The following GPHN variants were observed in gnomAD, a reference collection of about 807,000 sequenced individuals.
GPHN encodes the protein gephyrin.
Under a neutral mutation model 95.5 loss-of-function variants are expected in GPHN, and 17 were observed. The observed-to-expected ratio is 0.18, with a 90% CI of 0.12 to 0.27. The LOEUF (loss-of-function observed/expected upper bound fraction) is 0.27, where lower values mean the gene tolerates loss of function less well. Ranked by LOEUF, GPHN falls within the 10% of genes least tolerant of loss-of-function variation. The pLI is 1.00. For synonymous variants in GPHN, 320 were observed against 322.5 expected, an observed-to-expected ratio of 0.99 and a Z score of 0.08; for missense variants, 660 against 978.1, an observed-to-expected ratio of 0.67 and a Z score of 4.34.
chr14:67,708,683 C>G, the GPHN span, among the ~76,000 whole-genome samples: 3 of 152,052 alleles, frequency 2.0e-5, no homozygotes, highest in African/African-American at 7.3e-5. Context: ...ACAAATACAG[C>G]CCAAAGAAAA....
At chr14:67,725,589 G>A in the GPHN span, among the ~76,000 whole-genome samples, 1 of 152,190 alleles carries the variant, frequency 6.6e-6, no homozygotes, top group Admixed American at 6.5e-5. Context: ...AGATGAAGTT[G>A]TGCTGCTGGC....
At chr14:66,928,686 T>G (rs1567113803) in intron 8 of GPHN, among the ~76,000 whole-genome samples, 1 of 152,218 alleles carries the variant, frequency 6.6e-6, no homozygotes, top group African/African-American at 2.4e-5. Context: ...AGTACTGTTT[T>G]GCCTATCCCA....
At chr14:67,661,475 A>T in the GPHN span, among the ~76,000 whole-genome samples, 1 of 151,320 alleles carries the variant, frequency 6.6e-6, no homozygotes, top group Non-Finnish European at 1.5e-5. Flanking sequence ...ACATGGTTAG[A>T]ATTACCTCTA....
the GPHN span, among the ~76,000 whole-genome samples, chr14:67,372,877 T>G: frequency 1.3e-5 from 2 of 151,838 alleles, no homozygotes; most frequent in East Asian, 1.9e-4. Context: ...AAACCATCAA[T>G]TTTTAAAGGA....
At chr14:67,572,408 G>C in the GPHN span, 1 of 610,174 alleles carries the variant, frequency 1.6e-6, no homozygotes, top group Non-Finnish European at 2.7e-6. Context: ...GGGGGCAGGG[G>C]GCGTGGGCTG....
At chr14:66,571,384 CAG>C (rs759817840) in intron 1 of GPHN, among the ~76,000 whole-genome samples, 1 of 152,140 alleles carries the variant, frequency 6.6e-6, no homozygotes, top group Non-Finnish European at 1.5e-5. Flanking sequence ...GGTGGGGACA[CAG>C]AGCCAAACCA....
At position 66,526,756 on chromosome 14, in the gene GPHN, C is replaced by T. The variant is rs114333599; in HGVS notation, c.64+18165C>T. On this transcript the variant is annotated intron_variant, in intron 1 of 22. Coordinates refer to ENST00000478722, the MANE Select transcript of GPHN (RefSeq NM_020806.5). ...AATCATGTGGTTTTTGTCATTGCTT[C>T]GGTTTTGTGGTAGATTACATTTATT... Among the ~76,000 whole-genome samples, 278 of 152,152 alleles carry T rather than the reference C, an allele frequency of 1.8e-3. 1 individual carries two copies. Among genetic ancestry groups the T allele is most frequent in the African/African-American group, 6.3e-3 (260 of 41,508 alleles).
At chr14:67,071,760 T>A (rs1266069725) in intron 11 of GPHN, among the ~76,000 whole-genome samples, 1 of 151,996 alleles carries the variant, frequency 6.6e-6, no homozygotes, top group Non-Finnish European at 1.5e-5. Flanking sequence ...CCATTATATA[T>A]GTTCCTATAC....
At chr14:67,606,553 A>C in the GPHN span, among the ~76,000 whole-genome samples, 3 of 152,246 alleles carry the variant, frequency 2.0e-5, no homozygotes, top group Non-Finnish European at 4.4e-5. Flanking sequence ...ACAGCTGTGT[A>C]GGCTTGGAAA....
chr14:67,712,051 T>G, the GPHN span, among the ~76,000 whole-genome samples: 2 of 152,040 alleles, frequency 1.3e-5, no homozygotes, highest in East Asian at 3.9e-4. Context: ...CCCTGAGTAG[T>G]TGGGATTACA....
chr14:66,659,073 T>C (rs535777163), intron 1 of GPHN, among the ~76,000 whole-genome samples: 2 of 152,198 alleles, frequency 1.3e-5, no homozygotes, highest in East Asian at 1.9e-4. Flanking sequence ...AATGCACTTA[T>C]TGCTATATTG....
chr14:67,210,013 C>G, the GPHN span, among the ~76,000 whole-genome samples: 1 of 152,042 alleles, frequency 6.6e-6, no homozygotes, highest in African/African-American at 2.4e-5. Context: ...AAGCAATTAC[C>G]AGTTAGCTTT....
chr14:67,526,407 G>T, the GPHN span, among the ~76,000 whole-genome samples: 1 of 152,254 alleles, frequency 6.6e-6, no homozygotes, highest in Admixed American at 6.5e-5. Flanking sequence ...GACGGTCTTT[G>T]CATGCTGCTT....
At chr14:67,505,320 G>A in the GPHN span, among the ~76,000 whole-genome samples, 15 of 152,256 alleles carry the variant, frequency 9.9e-5, no homozygotes, top group South Asian at 3.1e-3. Context: ...TCAAGCTGGT[G>A]AGAGGGGAAT....
chr14:67,314,106 CAGA>C, the GPHN span, among the ~76,000 whole-genome samples: 1 of 151,756 alleles, frequency 6.6e-6, no homozygotes, highest in East Asian at 1.9e-4. Flanking sequence ...CTACTCACAC[CAGA>C]AGATTTTAAG....
chr14:67,010,157 C>T (rs2072891399), intron 9 of GPHN, among the ~76,000 whole-genome samples: 1 of 152,110 alleles, frequency 6.6e-6, no homozygotes, highest in South Asian at 2.1e-4. Context: ...CAGCTCCTCC[C>T]ATGTTAACTG....
the GPHN span, among the ~76,000 whole-genome samples, chr14:67,193,119 T>C: frequency 6.9e-6 from 1 of 144,370 alleles, no homozygotes; most frequent in African/African-American, 2.5e-5. Context: ...TAGATATCTC[T>C]CTATATATCT....
chr14:67,137,002 C>T (rs2080114074), intron 17 of GPHN, among the ~76,000 whole-genome samples: 1 of 151,934 alleles, frequency 6.6e-6, no homozygotes, highest in South Asian at 2.1e-4. Flanking sequence ...ACTAAAAATA[C>T]AAAAAATTGC....
At chr14:67,652,292 TA>T in the GPHN span, 1 of 152,602 alleles carries the variant, frequency 6.6e-6, no homozygotes, top group Non-Finnish European at 1.5e-5. Context: ...AAGAAGGACT[TA>T]TTTATTCTCT....
Sources: allele counts gnomAD v4.1 joint callset (sites outside exome capture counted in the v4.1 genomes callset), GRCh38; gene constraint gnomAD v4.1.1; transcripts MANE v1.5; gene names NCBI Gene and HGNC (gene_info 2026-07-23, HGNC 2026-07-21).